PPP1R9A: variants seen among roughly 807,000 people sequenced by gnomAD.
PPP1R9A encodes the protein protein phosphatase 1 regulatory subunit 9A.
PPP1R9A carries 59 observed loss-of-function variants against 141.9 expected under a neutral mutation model. The ratio of observed to expected loss-of-function variants is 0.42; its 90% CI spans 0.34 to 0.52. The LOEUF is 0.52. PPP1R9A is among the 20% of genes least tolerant of loss of function. The pLI, the probability that PPP1R9A is intolerant of heterozygous loss-of-function variation, is 0.10. For missense variants in PPP1R9A, 1,444 were observed against 1,611.9 expected (o/e 0.90, Z 1.78); for synonymous variants, 500 against 569.7 (o/e 0.88, Z 1.74).
At chr7:95,082,466 G>A (rs2152291741) in intron 2 of PPP1R9A, among the ~76,000 whole-genome samples, 1 of 152,224 alleles carries the variant, frequency 6.6e-6, no homozygotes, top group East Asian at 1.9e-4. Context: ...GAGACCTGGT[G>A]TGATGGGTGA....
At chr7:94,944,407 A>C (rs187975897) in intron 2 of PPP1R9A, among the ~76,000 whole-genome samples, 1 of 151,894 alleles carries the variant, frequency 6.6e-6, no homozygotes, top group Non-Finnish European at 1.5e-5. Context: ...CTCACTAAAC[A>C]TTTAGCGAAG....
intron 2 of PPP1R9A, among the ~76,000 whole-genome samples, chr7:94,959,767 A>T (rs1000559834): frequency 1.3e-5 from 2 of 151,792 alleles, no homozygotes; most frequent in African/African-American, 4.8e-5. Flanking sequence ...ATATTCTCTT[A>T]TAAGTTACAC....
At chr7:95,037,445 T>A (rs1393383793) in intron 2 of PPP1R9A, among the ~76,000 whole-genome samples, 2 of 152,190 alleles carry the variant, frequency 1.3e-5, no homozygotes, top group Admixed American at 1.3e-4. Context: ...TAATAATTAT[T>A]AGGACCACAT....
chr7:95,027,839 G>T (rs1442139214), intron 2 of PPP1R9A, among the ~76,000 whole-genome samples: 2 of 152,064 alleles, frequency 1.3e-5, no homozygotes, highest in African/African-American at 4.8e-5. Flanking sequence ...TTACTGTATG[G>T]TATTATAATC....
intron 4 of PPP1R9A, among the ~76,000 whole-genome samples, chr7:95,157,207 G>A (rs576236941): frequency 6.6e-6 from 1 of 152,212 alleles, no homozygotes; most frequent in African/African-American, 2.4e-5. Context: ...AGCAGCGGGA[G>A]CAGGCACTTC....
intron 2 of PPP1R9A, among the ~76,000 whole-genome samples, chr7:95,062,640 G>T (rs148307592): frequency 0.02 from 3,086 of 151,924 alleles, 103 homozygotes; most frequent in African/African-American, 0.07. Flanking sequence ...TGCCCGCCTC[G>T]GCCTCCCAAA....
chr7:94,956,282 T>C (rs918369158), intron 2 of PPP1R9A, among the ~76,000 whole-genome samples: 1 of 152,146 alleles, frequency 6.6e-6, no homozygotes, highest in Non-Finnish European at 1.5e-5. Context: ...TGTAAACATA[T>C]TGAGTGTTAA....
intron 5 of PPP1R9A, among the ~76,000 whole-genome samples, chr7:95,189,422 G>T (rs796709652): frequency 6.8e-6 from 1 of 147,942 alleles, no homozygotes; most frequent in Non-Finnish European, 1.5e-5. Context: ...TTTTTGGAGG[G>T]TTTGTTTATT....
At chr7:95,074,944 G>A (rs1199409905) in intron 2 of PPP1R9A, among the ~76,000 whole-genome samples, 1 of 152,018 alleles carries the variant, frequency 6.6e-6, no homozygotes, top group Non-Finnish European at 1.5e-5. Context: ...TATTGTAAGT[G>A]GAGTTGAATA....
intron 4 of PPP1R9A, among the ~76,000 whole-genome samples, chr7:95,136,551 A>G (rs962464445): frequency 2.6e-5 from 4 of 152,226 alleles, no homozygotes; most frequent in African/African-American, 4.8e-5. Flanking sequence ...AGATAGTCTG[A>G]GAAAATAACA....
At chr7:95,074,567 C>CA (rs1814552655) in intron 2 of PPP1R9A, among the ~76,000 whole-genome samples, 1 of 151,426 alleles carries the variant, frequency 6.6e-6, no homozygotes, top group Non-Finnish European at 1.5e-5. Context: ...CTCTGCCTCC[C>CA]AGGTTCAAGT....
At chr7:95,073,977 A>G (rs1054576696) in intron 2 of PPP1R9A, among the ~76,000 whole-genome samples, 5 of 152,194 alleles carry the variant, frequency 3.3e-5, no homozygotes, top group Admixed American at 1.3e-4. Flanking sequence ...ATGTTGTAAG[A>G]ATGATGAATG....
intron 2 of PPP1R9A, among the ~76,000 whole-genome samples, chr7:95,004,339 A>G (rs1357610633): frequency 2.0e-5 from 3 of 152,082 alleles, no homozygotes; most frequent in Non-Finnish European, 4.4e-5. Context: ...ACGGCCAAAA[A>G]AAAGCTATTG....
intron 2 of PPP1R9A, among the ~76,000 whole-genome samples, chr7:95,030,581 T>C (rs1002908480): frequency 2.0e-5 from 3 of 152,128 alleles, no homozygotes; most frequent in African/African-American, 7.2e-5. Context: ...GAGGCAAATA[T>C]TTTGGACTGA....
chr7:95,183,448 CTTTT>C (rs766642929), intron 5 of PPP1R9A, among the ~76,000 whole-genome samples: 2 of 103,032 alleles, frequency 1.9e-5, no homozygotes. Flanking sequence ...CAAAAATATT[CTTTT>C]TTTTTTTTTT....
intron 2 of PPP1R9A, among the ~76,000 whole-genome samples, chr7:94,985,092 C>T (rs931967317): frequency 6.6e-6 from 1 of 152,074 alleles, no homozygotes; most frequent in Non-Finnish European, 1.5e-5. Flanking sequence ...TGTTATTTAC[C>T]CAGTCGTCAT....
intron 7 of PPP1R9A, among the ~76,000 whole-genome samples, chr7:95,224,296 T>C (rs1314495186): frequency 1.3e-5 from 2 of 152,104 alleles, no homozygotes; most frequent in African/African-American, 4.8e-5. Context: ...AAAGTAAAGG[T>C]TCCAACTAAC....
chr7:94,910,369 A>G lies in PPP1R9A; in HGVS notation c.256A>G (p.Lys86Glu). ...EPNENAAVIA[K>E]TRGKGGHSSP... is the part of the protein sequence containing the mutation. Reference sequence around the variant, plus strand: ...CAACGAGAATGCTGCAGTCATTGCCAAAACAAGGGGGAAAGGTGGACATTC... The same window carrying G: ...CAACGAGAATGCTGCAGTCATTGCCGAAACAAGGGGGAAAGGTGGACATTC... The change falls in exon 2 of 20, where the codon AAA becomes GAA. Residue 86 changes from lysine to glutamate, a missense_variant. Around this residue, in one of 5 missense-constraint regions of PPP1R9A, gnomAD observed 490 missense variants for 521.1 expected, o/e 0.94. Coordinates refer to ENST00000433360, the MANE Select transcript of PPP1R9A (RefSeq NM_001166160.2). This position sits in a 1 kb window ranked among gnomAD's most constrained non-coding sequence, Gnocchi z 4.5. 6.2e-7 allele frequency: 1 copy of G among 1,614,178 alleles called. No homozygotes were observed. The highest frequency in any genetic ancestry group is 8.5e-7 in the Non-Finnish European group (1 of 1,180,028).
intron 2 of PPP1R9A, among the ~76,000 whole-genome samples, chr7:95,093,485 C>T (rs754914297): frequency 6.6e-5 from 10 of 152,124 alleles, no homozygotes; most frequent in Non-Finnish European, 1.5e-4. Flanking sequence ...TTGACTGTAG[C>T]ATTTCTAATA....
Sources: allele counts gnomAD v4.1 joint callset (sites outside exome capture counted in the v4.1 genomes callset), GRCh38; gene constraint gnomAD v4.1.1; regional missense constraint gnomAD v4.1.1; non-coding constraint Gnocchi (gnomAD v3.1); transcripts MANE v1.5; gene names NCBI Gene and HGNC (gene_info 2026-07-23, HGNC 2026-07-21).